Variants in AK5 observed in about 807,000 individuals in gnomAD.
AK5 encodes the protein adenylate kinase isoenzyme 5.
Under a neutral mutation model 69.5 loss-of-function variants are expected in AK5, and 27 were observed. The observed-to-expected ratio is 0.39, with a 90% confidence interval of 0.29 to 0.54. The LOEUF is 0.54. AK5 is among the 20% of genes least tolerant of loss of function. AK5 has a pLI of 0.71. For synonymous variants in AK5, 260 were observed against 244.4 expected, an observed-to-expected ratio of 1.06 and a Z score of -0.60; for missense variants, 531 against 700.4, an observed-to-expected ratio of 0.76 and a Z score of 2.73.
intron 8 of AK5, among the ~76,000 whole-genome samples, chr1:77,440,846 G>C (rs1171990570): frequency 6.6e-6 from 1 of 152,052 alleles, no homozygotes. Flanking sequence ...CCACCTCCCA[G>C]GTTTAAGCTA....
intron 3 of AK5, 117 bp from the exon 4 acceptor site, chr1:77,297,442 T>G: frequency 1.1e-6 from 1 of 894,102 alleles, no homozygotes; most frequent in Non-Finnish European, 1.7e-6. Context: ...CAAATGGAAC[T>G]GTTAACCACC....
At chr1:77,368,236 T>TA (rs1647039505) in intron 6 of AK5, among the ~76,000 whole-genome samples, 2 of 35,910 alleles carry the variant, frequency 5.6e-5, no homozygotes, top group Admixed American at 4.0e-4. Flanking sequence ...TATATATATA[T>TA]ATATATATAT....
chr1:77,373,630 G>C (rs1647162521), intron 6 of AK5, among the ~76,000 whole-genome samples: 1 of 151,978 alleles, frequency 6.6e-6, no homozygotes, highest in Admixed American at 6.6e-5. Context: ...GGAGGCTGAG[G>C]CAGAACAATC....
chr1:77,282,425 G>A (rs1167677351), intron 1 of AK5, 52 bp downstream of exon 1: 2 of 1,521,854 alleles, frequency 1.3e-6, no homozygotes, highest in South Asian at 2.5e-5. Flanking sequence ...TGCATCTCAG[G>A]GGTTCGGGTT....
intron 13 of AK5, among the ~76,000 whole-genome samples, chr1:77,554,082 A>C (rs1006635540): frequency 6.6e-6 from 1 of 152,220 alleles, no homozygotes; most frequent in Non-Finnish European, 1.5e-5. Context: ...TTTCATTGAT[A>C]TAAAATGTCC....
intron 8 of AK5, among the ~76,000 whole-genome samples, chr1:77,441,227 T>C (rs1278323695): frequency 7.5e-6 from 1 of 134,114 alleles, no homozygotes; most frequent in African/African-American, 2.7e-5. Flanking sequence ...TGTCCATCTG[T>C]ATTTTCTAGT....
chr1:77,537,642 G>T (rs1160156635), intron 13 of AK5, among the ~76,000 whole-genome samples: 6 of 152,174 alleles, frequency 3.9e-5, no homozygotes, highest in African/African-American at 1.4e-4. Context: ...CAGGATAAGA[G>T]ACATCATCAA....
chr1:77,482,489 G>T (rs1214425864), intron 8 of AK5, among the ~76,000 whole-genome samples: 2 of 152,130 alleles, frequency 1.3e-5, no homozygotes, highest in Non-Finnish European at 2.9e-5. Context: ...TTGCCCTGTA[G>T]GGGCCGGGCA....
chr1:77,439,814 A>ATATG (rs1159405442), intron 8 of AK5, among the ~76,000 whole-genome samples: 1 of 151,850 alleles, frequency 6.6e-6, no homozygotes, highest in Non-Finnish European at 1.5e-5. Context: ...ACATACATAT[A>ATATG]TATGTATGTA....
intron 6 of AK5, among the ~76,000 whole-genome samples, chr1:77,355,868 TACACACACACACACACACAC>T (rs66682700): frequency 4.8e-5 from 7 of 146,250 alleles, no homozygotes; most frequent in Admixed American, 3.4e-4. Flanking sequence ...CCTCATTAAA[TACACACACACACACACACAC>T]ACACACACAC....
chr1:77,409,923 T>C (rs1649923088), intron 6 of AK5, among the ~76,000 whole-genome samples: 1 of 152,162 alleles, frequency 6.6e-6, no homozygotes, highest in Admixed American at 6.5e-5. Context: ...TCATATATGG[T>C]GTAAGGAAGG....
In AK5 at chr1:77,365,028, A is replaced by T. The variant is rs189047310; in HGVS notation, c.891+24460A>T. ...CCCCTGTTTTTGCACCTTCACCAAC[A>T]TTTGTTGTTTTTTTTATCTTTTGAT... On this transcript the variant is annotated intron_variant, in intron 6 of 13. Coordinates refer to ENST00000354567, the MANE Select transcript of AK5 (RefSeq NM_174858.3). Among the ~76,000 whole-genome samples, 41 of 152,192 alleles carry T rather than the reference A, an allele frequency of 2.7e-4. No homozygotes were observed. In the East Asian group the frequency reaches 7.3e-3, roughly 27 times the overall value.
At chr1:77,309,688 T>C (rs1659838859) in intron 5 of AK5, among the ~76,000 whole-genome samples, 1 of 152,202 alleles carries the variant, frequency 6.6e-6, no homozygotes, top group Non-Finnish European at 1.5e-5. Flanking sequence ...TGTATCACTA[T>C]TTTAATTTGC....
At chr1:77,367,947 T>G (rs1477012073) in intron 6 of AK5, among the ~76,000 whole-genome samples, 23 of 28,498 alleles carry the variant, frequency 8.1e-4, no homozygotes, top group African/African-American at 1.6e-3. Flanking sequence ...ATATATATGT[T>G]ATATATATAT....
chr1:77,500,840 A>G (rs1413450538), intron 10 of AK5, among the ~76,000 whole-genome samples: 2 of 150,914 alleles, frequency 1.3e-5, no homozygotes, highest in Non-Finnish European at 2.9e-5. Flanking sequence ...CATCGTTGTG[A>G]TAAGTACAGT....
At chr1:77,442,888 G>C (rs1021462143) in intron 8 of AK5, among the ~76,000 whole-genome samples, 2 of 152,108 alleles carry the variant, frequency 1.3e-5, no homozygotes, top group Non-Finnish European at 2.9e-5. Flanking sequence ...GTGTCAAGTA[G>C]CAATGGCCTT....
chr1:77,324,775 G>A (rs1333617740), intron 5 of AK5, among the ~76,000 whole-genome samples: 1 of 151,876 alleles, frequency 6.6e-6, no homozygotes, highest in Admixed American at 6.6e-5. Flanking sequence ...TGGGGAAATT[G>A]TTGAACAGAG....
At chr1:77,312,975 A>G (rs1185927133) in intron 5 of AK5, among the ~76,000 whole-genome samples, 1 of 152,034 alleles carries the variant, frequency 6.6e-6, no homozygotes, top group Admixed American at 6.5e-5. Flanking sequence ...TTCTCTTCCA[A>G]ATGTGTACCA....
rs2100630262 is a variant in AK5 at position 77,282,172 on chromosome 1, G to A, written c.-142G>A. On this transcript the variant is annotated 5_prime_UTR_variant, in exon 1 of 14. Coordinates refer to ENST00000354567, the MANE Select transcript of AK5 (RefSeq NM_174858.3). Reference sequence around the variant, plus strand: ...GGAGGGGGTCCCTGGCCTGGGCGGAGAGGCTGAGCTGAGTGCGCGTGAGAA... The same window carrying A: ...GGAGGGGGTCCCTGGCCTGGGCGGAAAGGCTGAGCTGAGTGCGCGTGAGAA... The A allele has an allele frequency of 1.5e-6, 1 of 664,336 alleles. No individual in the cohort carries two copies. Among genetic ancestry groups the A allele is most frequent in the Admixed American group, 3.9e-5 (1 of 25,660 alleles). The allele number at this position is 664,336 out of a possible 1,614,324, so 41.2% of individuals were successfully genotyped here.
Sources: gnomAD v4.1 joint callset for allele counts (sites outside exome capture counted in the v4.1 genomes callset) on GRCh38, gnomAD v4.1.1 for gene constraint, MANE v1.5 for transcripts, NCBI Gene and HGNC (gene_info 2026-07-23, HGNC 2026-07-21) for gene names.